The following BSPH1 variants were observed in gnomAD, a reference collection of about 807,000 sequenced individuals.
The protein encoded by BSPH1 is binder of sperm 1.
BSPH1 carries 21 observed loss-of-function variants against 22.5 expected under a neutral mutation model. That is an observed-to-expected ratio of 0.93 (90% CI 0.66 to 1.35). The LOEUF is 1.35. BSPH1 is among the 40% of genes most tolerant of loss of function. The pLI is 0.00. For missense variants in BSPH1, 141 were observed against 154.2 expected (o/e 0.91, Z 0.45); for synonymous variants, 42 against 53.6 (o/e 0.78, Z 0.95).
chr19:47,968,921 C>T (rs1393230094), intron 5 of BSPH1, among the ~76,000 whole-genome samples: 2 of 149,582 alleles, frequency 1.3e-5, no homozygotes, highest in Non-Finnish European at 3.0e-5. Flanking sequence ...ATTGCTTGAA[C>T]ATGGGAGGCG....
chr19:47,967,361 C>T (rs1423743687), downstream of BSPH1, among the ~76,000 whole-genome samples: 1 of 152,242 alleles, frequency 6.6e-6, no homozygotes, highest in Non-Finnish European at 1.5e-5. Context: ...CTGCATGCTG[C>T]TGTCTTCTTT....
At chr19:47,978,652 C>T (rs1969391102) in intron 3 of BSPH1, among the ~76,000 whole-genome samples, 1 of 152,190 alleles carries the variant, frequency 6.6e-6, no homozygotes, top group South Asian at 2.1e-4. Context: ...ATTAGTCTTT[C>T]CCACCAATTG....
intron 1 of BSPH1, among the ~76,000 whole-genome samples, chr19:47,982,741 G>A (rs959911629): frequency 7.9e-5 from 12 of 152,090 alleles, no homozygotes; most frequent in African/African-American, 2.9e-4. Context: ...AAGAAAATAT[G>A]GTAGACACAT....
intron 5 of BSPH1, among the ~76,000 whole-genome samples, chr19:47,974,269 C>CTCTCTCTCTT (rs57733472): frequency 7.8e-4 from 59 of 75,988 alleles, no homozygotes; most frequent in African/African-American, 3.1e-3. Context: ...CTCTCTCTCT[C>CTCTCTCTCTT]TTTTTTTTTT....
chr19:47,990,275 G>A (rs1969511567), intron 1 of BSPH1, among the ~76,000 whole-genome samples: 1 of 152,122 alleles, frequency 6.6e-6, no homozygotes, highest in Non-Finnish European at 1.5e-5. Context: ...CGGGGCCCAT[G>A]AGTTTTTATT....
In BSPH1 at chr19:47,976,609, C is replaced by G. The variant is rs376819881; in HGVS notation, c.*2+101G>C. ...AAAAAAAAAAAAACAAAAAAAAACC[C>G]TCTCTAATGAGAAAGGGTTCTCCTC... On this transcript the variant is annotated intron_variant, in intron 5 of 5. Transcript: ENST00000344839. The G allele has an allele frequency of 6.4e-4, 423 of 664,798 alleles. 3 individuals are homozygous for G. The African/African-American group carries it at 6.4e-3, about 10-fold the overall frequency. The allele number at this position is 664,798 out of a possible 1,614,324, so 41.2% of individuals were successfully genotyped here.
At position 47,978,117 on chromosome 19, in the gene BSPH1, G is replaced by A. The variant is rs537116020; in HGVS notation, c.125-613C>T. 1.6e-4 allele frequency among the ~76,000 whole-genome samples: 24 copies of A among 150,176 alleles called. 1 individual carries two copies. In the South Asian group the frequency reaches 4.0e-3, roughly 25 times the overall value. On this transcript the variant is annotated intron_variant, in intron 3 of 5. Coordinates refer to ENST00000344839, the MANE Select transcript of BSPH1 (RefSeq NM_001128326.2). The stretch of plus-strand genomic sequence containing the variant: ...AATCATATTTTATACTTGAGTTTCC[G>A]ACTTAACACATCACAGAAATCTTCT...
At chr19:47,976,513 A>T (rs1205124449) in intron 5 of BSPH1, among the ~76,000 whole-genome samples, 197 bp downstream of exon 5, 1 of 148,850 alleles carries the variant, frequency 6.7e-6, no homozygotes, top group Middle Eastern at 3.2e-3. Flanking sequence ...TTTCCATATT[A>T]AAACCCCATA....
rs1207794136 is a variant in BSPH1 at position 47,976,848 on chromosome 19, G to T, written c.263C>A (p.Ala88Glu). 2.6e-6 allele frequency: 4 copies of T among 1,550,842 alleles called. No homozygotes were observed. In the African/African-American group the frequency reaches 4.1e-5, roughly 16 times the overall value. Reference sequence around the variant, plus strand: ...GTACCAGAAGGGAAATACACAGTTTGCAAAATCTGCAGAGGAGGAAGAGGA... The same window carrying T: ...GTACCAGAAGGGAAATACACAGTTTTCAAAATCTGCAGAGGAGGAAGAGGA... ...YWKFCSAEDF[A>E]NCVFPFWYRR... is the part of the protein sequence containing the mutation. Residue 88 changes from alanine to glutamate, a missense_variant, in exon 5 of 6, where the codon GCA becomes GAA. Physicochemically the swap from Ala to Glu is moderately radical, Grantham distance 107 (BLOSUM62 -1). Transcript: ENST00000344839.
chr19:47,988,644 G>C (rs992686283), intron 1 of BSPH1, among the ~76,000 whole-genome samples: 2 of 151,966 alleles, frequency 1.3e-5, no homozygotes, highest in African/African-American at 2.4e-5. Flanking sequence ...TAGCACAAAC[G>C]TTTGTTGACA....
rs1379387325 is a variant in BSPH1, at chr19:47,973,154, T to G, written c.*2+3556A>C. Among the ~76,000 whole-genome samples the G allele has an allele frequency of 4.6e-5, 7 of 150,682 alleles. No homozygotes were observed. In the East Asian group the frequency reaches 9.7e-4, roughly 21 times the overall value. Reference sequence around the variant, plus strand: ...ATGGTGTGAACCTGGGAGGCGGAGCTTGCAGTGAGCCGAGATCGCGCCACT... The same window carrying G: ...ATGGTGTGAACCTGGGAGGCGGAGCGTGCAGTGAGCCGAGATCGCGCCACT... On this transcript the variant is annotated intron_variant, in intron 5 of 5. Coordinates refer to ENST00000344839, the MANE Select transcript of BSPH1 (RefSeq NM_001128326.2).
At chr19:47,985,835 GA>G (rs5828325) in intron 1 of BSPH1, among the ~76,000 whole-genome samples, 27 of 144,492 alleles carry the variant, frequency 1.9e-4, no homozygotes, top group South Asian at 4.4e-4. Context: ...ACTTTGTCTA[GA>G]AAAAAAAAAA....
intron 1 of BSPH1, among the ~76,000 whole-genome samples, chr19:47,985,063 G>GA (rs77675265): frequency 0.028 from 2,095 of 74,902 alleles, 58 homozygotes; most frequent in East Asian, 0.14. Flanking sequence ...GACTCTGTCT[G>GA]AAAAAAAAAA....
chr19:47,970,891 G>A (rs1969305635), intron 5 of BSPH1, among the ~76,000 whole-genome samples: 1 of 152,172 alleles, frequency 6.6e-6, no homozygotes, highest in African/African-American at 2.4e-5. Flanking sequence ...TGAAAAATCT[G>A]CATCTCAGAG....
At chr19:47,976,882 A>T in intron 4 of BSPH1, 28 bp from the exon 5 acceptor site, 1 of 1,549,662 alleles carries the variant, frequency 6.5e-7, no homozygotes. Flanking sequence ...GAAGAAGCAG[A>T]GTAAGAAACC....
chr19:47,976,714 A>T lies in BSPH1; in HGVS notation c.397T>A (p.Ter133ArgextTer15), dbSNP rs1600086514. The T allele has an allele frequency of 6.4e-7, 1 of 1,551,730 alleles. No individual in the cohort carries two copies. The highest frequency in any genetic ancestry group is 2.0e-5 in the Admixed American group (1 of 50,984). ...NKDRIWKYCE[*>R] is the part of the protein sequence containing the mutation. Reference sequence around the variant, plus strand: ...CCCTCCCCTGGTAAATCTCACCATCATTCACAGTATTTCCAAATTCGGTCC... The same window carrying T: ...CCCTCCCCTGGTAAATCTCACCATCTTTCACAGTATTTCCAAATTCGGTCC... Residue 133 changes from the stop codon to arginine, a stop_lost, in exon 5 of 6, where the codon TGA (stop) becomes AGA (arginine). Coordinates refer to ENST00000344839, the MANE Select transcript of BSPH1 (RefSeq NM_001128326.2).
intron 5 of BSPH1, among the ~76,000 whole-genome samples, chr19:47,973,261 A>AATG (rs1555730940): frequency 1.4e-4 from 20 of 145,902 alleles, no homozygotes; most frequent in Non-Finnish European, 2.4e-4. Context: ...TAATAATAAT[A>AATG]ATGTAGGCAG....
Position 47,992,003 on chromosome 19 carries a change from A to G in BSPH1, c.73+6T>C. 2.6e-6 allele frequency: 4 copies of G among 1,534,904 alleles called. No homozygotes were observed. The highest frequency in any genetic ancestry group is 3.5e-6 in the Non-Finnish European group (4 of 1,132,108). ...TGCATAGGAAGAAATATAGAAAAAG[A>G]AATACTTAAAATAACAGGGAAGATG... is the stretch of plus-strand genomic sequence containing the variant. On this transcript the variant is annotated splice_donor_region_variant and intron_variant, in intron 1 of 5. Coordinates refer to ENST00000344839, the MANE Select transcript of BSPH1 (RefSeq NM_001128326.2).
chr19:47,990,451 A>C (rs1412359677), intron 1 of BSPH1, among the ~76,000 whole-genome samples: 1 of 151,944 alleles, frequency 6.6e-6, no homozygotes, highest in Non-Finnish European at 1.5e-5. Context: ...ATTCCTTTTT[A>C]TGTATCTACA....
Sources: allele counts gnomAD v4.1 joint callset (sites outside exome capture counted in the v4.1 genomes callset), GRCh38; gene constraint gnomAD v4.1.1; transcripts MANE v1.5; gene names NCBI Gene and HGNC (gene_info 2026-07-23, HGNC 2026-07-21).